Variants in ZMYM6 observed in about 807,000 individuals in gnomAD.
ZMYM6 encodes zinc finger MYM-type protein 6.
Under a neutral mutation model 134.0 loss-of-function variants are expected in ZMYM6, and 90 were observed. The ratio of observed to expected loss-of-function variants is 0.67; its 90% CI spans 0.57 to 0.80. The LOEUF is 0.80. Ranked by LOEUF, ZMYM6 falls within the 30% of genes least tolerant of loss-of-function variation. The pLI, the probability that ZMYM6 is intolerant of heterozygous loss-of-function variation, is 0.00. For synonymous variants in ZMYM6, 481 were observed against 524.1 expected (o/e 0.92, Z 1.12); for missense variants, 1,362 against 1,533.9 (o/e 0.89, Z 1.87).
At chr1:35,016,848 T>G (rs1197635859) in intron 4 of ZMYM6, among the ~76,000 whole-genome samples, 1 of 149,250 alleles carries the variant, frequency 6.7e-6, no homozygotes, top group Non-Finnish European at 1.5e-5. Flanking sequence ...ATAAAAAAAA[T>G]TTTTTAATTA....
chr1:35,005,756 AAAT>A (rs1174074413), intron 12 of ZMYM6, among the ~76,000 whole-genome samples: 2 of 152,208 alleles, frequency 1.3e-5, no homozygotes, highest in African/African-American at 2.4e-5. Flanking sequence ...CAATTTTTAT[AAAT>A]AAGTTAATGA....
At position 34,987,765 on chromosome 1, in the gene ZMYM6, TC is replaced by T; in HGVS notation, c.3316del (p.Asp1106MetfsTer18). 1 of 1,551,528 alleles carries T rather than the reference TC, an allele frequency of 6.4e-7. No individual in the cohort carries two copies. Among genetic ancestry groups the T allele is most frequent in the Non-Finnish European group, 8.7e-7 (1 of 1,146,958 alleles). On this transcript the variant is annotated frameshift_variant, in exon 16 of 16. Coordinates refer to ENST00000357182, the MANE Select transcript of ZMYM6 (RefSeq NM_007167.4). LOFTEE classifies it high-confidence loss of function. ...KHSDLAKYFH[D>X]EEWVGKLAYL... The stretch of plus-strand genomic sequence containing the variant: ...GGCCAGCTTTCCAACCCATTCCTCA[TC>T]ATGAAAATACTTGGCCAAATCTGAA...
chr1:34,991,327 T>C (rs1640669201), intron 15 of ZMYM6, among the ~76,000 whole-genome samples: 1 of 152,186 alleles, frequency 6.6e-6, no homozygotes, highest in South Asian at 2.1e-4. Context: ...ATTGTTTTAA[T>C]AGGAATATAA....
rs569506660 is a variant in ZMYM6 at position 35,004,745 on chromosome 1, G to A, written c.1954+387C>T. On this transcript the variant is annotated intron_variant, in intron 13 of 15. Transcript: ENST00000357182. ...GGGGGTGCATGTTCCCCTACATCAC[G>A]TAAAGAAAGATATTACCAGTAAGAA... Among the ~76,000 whole-genome samples, 38 of 152,182 alleles carry A rather than the reference G, an allele frequency of 2.5e-4. 1 individual carries two copies. The highest frequency in any genetic ancestry group is 7.2e-4 in the Admixed American group (11 of 15,284).
intron 15 of ZMYM6, among the ~76,000 whole-genome samples, chr1:34,991,143 C>T (rs1640666161): frequency 6.6e-6 from 1 of 152,114 alleles, no homozygotes; most frequent in African/African-American, 2.4e-5. Flanking sequence ...GGATTATAGG[C>T]ATGAGCCACC....
chr1:35,028,689 C>T (rs951621500), intron 2 of ZMYM6, among the ~76,000 whole-genome samples: 4 of 151,394 alleles, frequency 2.6e-5, no homozygotes, highest in South Asian at 2.1e-4. Context: ...TTTGTAGAGA[C>T]GGGGTTTCAC....
chr1:35,026,691 G>T (rs1220163652), intron 2 of ZMYM6, among the ~76,000 whole-genome samples: 1 of 152,174 alleles, frequency 6.6e-6, no homozygotes, highest in African/African-American at 2.4e-5. Flanking sequence ...AAGAAATATT[G>T]CATCTGGAGT....
chr1:34,996,721 T>C (rs930625769), intron 14 of ZMYM6, among the ~76,000 whole-genome samples: 1 of 152,240 alleles, frequency 6.6e-6, no homozygotes, highest in African/African-American at 2.4e-5. Flanking sequence ...TCCATTGTTA[T>C]GGATATATAC....
Position 35,030,531 on chromosome 1 carries a change from A to C in ZMYM6, c.93+16T>G. ...AGGAATTTTTTTAAATTTTTAAATG[A>C]AGATGAAATGCTTACTTGAGCATTG... On this transcript the variant is annotated intron_variant, in intron 2 of 15. Transcript: ENST00000357182. 1 of 1,583,242 alleles carries C rather than the reference A, an allele frequency of 6.3e-7. No individual in the cohort carries two copies. The highest frequency in any genetic ancestry group is 8.5e-7 in the Non-Finnish European group (1 of 1,172,538).
chr1:35,007,854 A>G (rs1260212819), intron 11 of ZMYM6, among the ~76,000 whole-genome samples: 1 of 152,106 alleles, frequency 6.6e-6, no homozygotes, highest in Non-Finnish European at 1.5e-5. Flanking sequence ...ATGGGGGAAG[A>G]AAAGATACAC....
intron 14 of ZMYM6, among the ~76,000 whole-genome samples, chr1:34,992,782 T>C (rs977712363): frequency 7.0e-6 from 1 of 142,520 alleles, no homozygotes; most frequent in Admixed American, 6.9e-5. Flanking sequence ...AATATAAAAA[T>C]ATACTTATAA....
In ZMYM6 at chr1:35,009,132, C is replaced by T. The variant is rs191617323; in HGVS notation, c.1493-208G>A. On this transcript the variant is annotated intron_variant, in intron 10 of 15. Transcript: ENST00000357182. ...TTATTTTTTGAGACAGAGTCTCACT[C>T]GTTTTGCCCAGGCTGGAGTGCAGTG... Among the ~76,000 whole-genome samples, 672 of 152,248 alleles carry T rather than the reference C, an allele frequency of 4.4e-3. 1 individual carries two copies. Among genetic ancestry groups the T allele is most frequent in the Non-Finnish European group, 6.1e-3 (413 of 68,024 alleles).
chr1:34,989,209 TTAGGGC>T (rs1243381274), intron 15 of ZMYM6: 1 of 1,170,226 alleles, frequency 8.5e-7, no homozygotes, highest in Non-Finnish European at 1.1e-6. Flanking sequence ...GTTATTGAAA[TTAGGGC>T]TGAAGACCAT....
chr1:35,019,407 G>A lies in ZMYM6; in HGVS notation c.374C>T (p.Ser125Phe). 1 of 1,614,188 alleles carries A rather than the reference G, an allele frequency of 6.2e-7. No homozygotes were observed. Among genetic ancestry groups the A allele is most frequent in the Non-Finnish European group, 8.5e-7 (1 of 1,180,042 alleles). The change falls in exon 4 of 16, where the codon TCT becomes TTT. Residue 125 changes from serine (S) to phenylalanine (F), a missense_variant. Transcript: ENST00000357182. ...FCSTRCITRH[S>F]SPACLPPPPK... is the part of the protein sequence containing the mutation. ...AGGAGGTGGCAGGCAGGCAGGTGAA[G>A]AATGTCTGGTGATGCATCGTGTGGA...
chr1:34,991,920 A>C (rs1452253351), intron 15 of ZMYM6, among the ~76,000 whole-genome samples: 1 of 152,126 alleles, frequency 6.6e-6, no homozygotes, highest in Admixed American at 6.6e-5. Flanking sequence ...CGTCACCAAT[A>C]CCTCAGATAA....
chr1:35,004,985 G>A (rs1349494231), intron 13 of ZMYM6, 147 bp downstream of exon 13: 2 of 831,702 alleles, frequency 2.4e-6, no homozygotes, highest in Non-Finnish European at 3.6e-6. Context: ...TTGAACCCAG[G>A]AGGCGGTGGT....
At chr1:35,007,288 A>C (rs1260398754) in intron 11 of ZMYM6, among the ~76,000 whole-genome samples, 190 bp from the exon 12 acceptor site, 1 of 152,206 alleles carries the variant, frequency 6.6e-6, no homozygotes, top group Non-Finnish European at 1.5e-5. Context: ...AAATCAAGAT[A>C]ATATAAAAAC....
intron 14 of ZMYM6, among the ~76,000 whole-genome samples, chr1:35,001,456 T>C (rs1325117317): frequency 6.6e-6 from 1 of 152,098 alleles, no homozygotes; most frequent in Non-Finnish European, 1.5e-5. Flanking sequence ...TATATGTTCC[T>C]AAAAAACTAA....
chr1:35,008,747 T>C lies in ZMYM6; in HGVS notation c.1665+5A>G. On this transcript the variant is annotated splice_donor_5th_base_variant and intron_variant, in intron 11 of 15. Transcript: ENST00000357182. ...AAGCCAAAAAAAGTATATTATCACA[T>C]TTACCTGATAAAACAGAACTGTAAA... The C allele has an allele frequency of 6.2e-7, 1 of 1,611,210 alleles. No individual in the cohort carries two copies. Among genetic ancestry groups the C allele is most frequent in the Non-Finnish European group, 8.5e-7 (1 of 1,179,000 alleles).
Sources: allele counts gnomAD v4.1 joint callset (sites outside exome capture counted in the v4.1 genomes callset), GRCh38; gene constraint gnomAD v4.1.1; transcripts MANE v1.5; gene names NCBI Gene and HGNC (gene_info 2026-07-23, HGNC 2026-07-21).